Variants in IFI44L observed in about 807,000 individuals in gnomAD.
IFI44L encodes the protein interferon induced protein 44 like, also known as interferon-induced protein 44-like.
Under a neutral mutation model 39.3 loss-of-function variants are expected in IFI44L, and 40 were observed. The ratio of observed to expected loss-of-function variants is 1.02; its 90% CI spans 0.79 to 1.33. The LOEUF is 1.33. Ranked by LOEUF, IFI44L falls within the 40% of genes most tolerant of loss-of-function variation. The probability of loss-of-function intolerance (pLI) is 0.00; values close to 1 mark genes in which losing one functional copy is unlikely to be tolerated. For synonymous variants in IFI44L, 198 were observed against 182.3 expected, an observed-to-expected ratio of 1.09 and a Z score of -0.69; for missense variants, 623 against 549.0, an observed-to-expected ratio of 1.13 and a Z score of -1.35.
chr1:78,645,821 T>A lies in IFI44L; in HGVS notation c.*4012T>A, dbSNP rs1041527361. On this transcript the variant is annotated 3_prime_UTR_variant, in exon 9 of 9. Coordinates refer to ENST00000370751, the MANE Select transcript of IFI44L (RefSeq NM_006820.4). ...ACACCCTTGCAAAATCTTTCTCTGA[T>A]GTTGGAGAAAATGGGCCAGTGAGAT... is the stretch of plus-strand genomic sequence containing the variant. The A allele has an allele frequency of 2.6e-5, 4 of 152,332 alleles. No homozygotes were observed. Among genetic ancestry groups the A allele is most frequent in the Non-Finnish European group, 4.4e-5 (3 of 68,028 alleles). The allele number at this position is 152,332 out of a possible 1,614,324, so 9.4% of individuals were successfully genotyped here. A position where few individuals can be genotyped will look rare whatever the true frequency, so the allele number is the denominator to read the frequency against.
rs770413808 is a variant in IFI44L, at chr1:78,628,208, C to T, written c.293C>T (p.Thr98Ile). ...AAAAATGACACCACTGAAATAGAAA[C>T]TTTACTCTTAAATACAGCACCAAAA... ...QKKNDTTEIE[T>I]LLLNTAPKII... Residue 98 changes from threonine to isoleucine, a missense_variant, in exon 2 of 9, where the codon ACT (threonine) becomes ATT (isoleucine). Thr to Ile is a moderately conservative substitution (Grantham distance 89, BLOSUM62 -1). Transcript: ENST00000370751. The T allele has an allele frequency of 6.2e-7, 1 of 1,612,816 alleles. No homozygotes were observed. The highest frequency in any genetic ancestry group is 8.5e-7 in the Non-Finnish European group (1 of 1,179,444).
chr1:78,635,605 A>C, intron 5 of IFI44L, 116 bp downstream of exon 5: 1 of 808,728 alleles, frequency 1.2e-6, no homozygotes, highest in Non-Finnish European at 2.0e-6. Flanking sequence ...ACATCAATCA[A>C]CACTATTCTA....
At chr1:78,636,960 C>A (rs1243795196) in intron 5 of IFI44L, 72 bp from the exon 6 acceptor site, 1 of 1,117,358 alleles carries the variant, frequency 8.9e-7, no homozygotes, top group South Asian at 1.4e-5. Context: ...GTATTAGAAG[C>A]ATTAATTGTG....
At chr1:78,631,096 A>T (rs1333738007) in intron 4 of IFI44L, among the ~76,000 whole-genome samples, 1 of 152,118 alleles carries the variant, frequency 6.6e-6, no homozygotes, top group Non-Finnish European at 1.5e-5. Context: ...CAAAGGTCTT[A>T]TTTTAAGAGA....
At chr1:78,622,087 CA>C (rs1243666786) in intron 1 of IFI44L, among the ~76,000 whole-genome samples, 1 of 152,102 alleles carries the variant, frequency 6.6e-6, no homozygotes, top group Non-Finnish European at 1.5e-5. Context: ...CCCTCCTAGA[CA>C]CCCACCCACC....
At chr1:78,628,715 T>C in intron 2 of IFI44L, 2 of 530,068 alleles carry the variant, frequency 3.8e-6, no homozygotes, top group Non-Finnish European at 6.7e-6. Context: ...GATCAGACCC[T>C]TATATGACCC....
At chr1:78,626,921 T>C (rs1219727531) in intron 1 of IFI44L, 1 of 152,024 alleles carries the variant, frequency 6.6e-6, no homozygotes, top group Non-Finnish European at 1.5e-5. Context: ...CTCCCACTTA[T>C]AAGTGAGAGC....
At chr1:78,632,648 C>T (rs1217428670) in intron 4 of IFI44L, among the ~76,000 whole-genome samples, 1 of 152,126 alleles carries the variant, frequency 6.6e-6, no homozygotes, top group Non-Finnish European at 1.5e-5. Context: ...GAGGAATATT[C>T]ACAATTACCT....
At position 78,628,173 on chromosome 1, in the gene IFI44L, AC is replaced by A. The variant is rs747849626; in HGVS notation, c.259del (p.Leu87PhefsTer10). ...TEPNDSLWFSLQKKNDTTEIE... is the reference protein window; with the variant it reads ...TEPNDSLWFSXQKKNDTTEIE... ...AGCCAAATGATTCCCTATGGTTTTC[AC>A]TTCAAAAGAAAAATGACACCACTGA... On this transcript the variant is annotated frameshift_variant, in exon 2 of 9. Transcript: ENST00000370751. LOFTEE classifies it high-confidence loss of function. 6 of 1,612,564 alleles carry A rather than the reference AC, an allele frequency of 3.7e-6. No individual in the cohort carries two copies. In the African/African-American group the frequency reaches 8.0e-5, roughly 22 times the overall value.
In IFI44L at chr1:78,627,741, A is replaced by G. The variant is rs560761572; in HGVS notation, c.-10-165A>G. 4.5e-4 allele frequency: 174 copies of G among 387,900 alleles called. 1 individual carries two copies. Among genetic ancestry groups the G allele is most frequent in the African/African-American group, 3.4e-3 (163 of 48,458 alleles). The allele number at this position is 387,900 out of a possible 1,614,324, so 24.0% of individuals were successfully genotyped here. A position where few individuals can be genotyped will look rare whatever the true frequency, so the allele number is the denominator to read the frequency against. Reference sequence around the variant, plus strand: ...TAAATTATATATTTTTATATCTAACATTATTGTGCCATTTCTATATTTTTG... The same window carrying G: ...TAAATTATATATTTTTATATCTAACGTTATTGTGCCATTTCTATATTTTTG... On this transcript the variant is annotated intron_variant, in intron 1 of 8. Transcript: ENST00000370751.
rs911713500 is a variant in IFI44L, at chr1:78,645,531, G to C, written c.*3722G>C. The C allele has an allele frequency of 2.6e-5, 4 of 152,194 alleles. No homozygotes were observed. Among genetic ancestry groups the C allele is most frequent in the African/African-American group, 9.7e-5 (4 of 41,446 alleles). The allele number at this position is 152,194 out of a possible 1,614,324, so 9.4% of individuals were successfully genotyped here. On this transcript the variant is annotated 3_prime_UTR_variant, in exon 9 of 9. Coordinates refer to ENST00000370751, the MANE Select transcript of IFI44L (RefSeq NM_006820.4). Reference sequence around the variant, plus strand: ...TGACGCAAATTGATAGGGGGGCCAAGTAAGCCCCATATGCTTAATGATCAG... The same window carrying C: ...TGACGCAAATTGATAGGGGGGCCAACTAAGCCCCATATGCTTAATGATCAG...
intron 6 of IFI44L, among the ~76,000 whole-genome samples, chr1:78,638,675 G>A (rs1227330140): frequency 6.6e-6 from 1 of 151,828 alleles, no homozygotes; most frequent in South Asian, 2.1e-4. Flanking sequence ...TCTTTTTCAG[G>A]TCTTCTATTT....
At chr1:78,621,766 TA>T (rs1298625744) in intron 1 of IFI44L, among the ~76,000 whole-genome samples, 1 of 151,944 alleles carries the variant, frequency 6.6e-6, no homozygotes, top group Non-Finnish European at 1.5e-5. Flanking sequence ...CACAATAACT[TA>T]AAAAATTAAT....
rs1222507453 is a variant in IFI44L at position 78,623,389 on chromosome 1, G to GTT, written c.-11+2823_-11+2824dup. ...ATTTCCTTCTACTCCTGGTTTAAGT[G>GTT]TTTTTTGTTTTTTTTTTTTTTTTTT... On this transcript the variant is annotated intron_variant, in intron 1 of 8. Transcript: ENST00000370751. Among the ~76,000 whole-genome samples, 137 of 19,910 alleles carry GTT rather than the reference G, an allele frequency of 6.9e-3. 2 individuals are homozygous for GTT. The highest frequency in any genetic ancestry group is 0.01 in the African/African-American group (76 of 7,516). 13.1% of individuals were successfully genotyped at this position (19,910 alleles called of 152,430 possible). A position where few individuals can be genotyped will look rare whatever the true frequency, so the allele number is the denominator to read the frequency against.
At position 78,641,872 on chromosome 1, in the gene IFI44L, A is replaced by G; in HGVS notation, c.*63A>G. The G allele has an allele frequency of 6.5e-7, 1 of 1,529,862 alleles. No individual in the cohort carries two copies. The highest frequency in any genetic ancestry group is 9.1e-7 in the Non-Finnish European group (1 of 1,103,630). 94.8% of individuals were successfully genotyped at this position (1,529,862 alleles called of 1,614,324 possible). A position where few individuals can be genotyped will look rare whatever the true frequency, so the allele number is the denominator to read the frequency against. On this transcript the variant is annotated 3_prime_UTR_variant, in exon 9 of 9. Coordinates refer to ENST00000370751, the MANE Select transcript of IFI44L (RefSeq NM_006820.4). ...TACTGGTGTGCCGCAATGAGAGTCA[A>G]TCTCTATTGACAGCCTGCTTCAGAT...
intron 5 of IFI44L, chr1:78,635,966 TC>T (rs1652935552): frequency 6.2e-6 from 1 of 160,376 alleles, no homozygotes; most frequent in Non-Finnish European, 1.3e-5. Context: ...TCTCTCTCGG[TC>T]TTTTTTTTTT....
At chr1:78,639,903 T>G (rs12136543) in intron 6 of IFI44L, among the ~76,000 whole-genome samples, 29,681 of 152,026 alleles carry the variant, frequency 0.2, 3,629 homozygotes, top group Middle Eastern at 0.27. Flanking sequence ...GAACCTAGTT[T>G]TTAAATAGTA....
chr1:78,626,307 T>C lies in IFI44L; in HGVS notation c.-10-1599T>C, dbSNP rs111998081. Reference sequence around the variant, plus strand: ...TTACTGTAAATCATTCAATCTTACCTTTTAGCTGTTTGAACATATTAAACA... The same window carrying C: ...TTACTGTAAATCATTCAATCTTACCCTTTAGCTGTTTGAACATATTAAACA... On this transcript the variant is annotated intron_variant, in intron 1 of 8. Coordinates refer to ENST00000370751, the MANE Select transcript of IFI44L (RefSeq NM_006820.4). 3.3e-5 allele frequency: 5 copies of C among 152,064 alleles called. 1 individual carries two copies. Among genetic ancestry groups the C allele is most frequent in the African/African-American group, 1.2e-4 (5 of 41,548 alleles). 9.4% of individuals were successfully genotyped at this position (152,064 alleles called of 1,614,324 possible). A position where few individuals can be genotyped will look rare whatever the true frequency, so the allele number is the denominator to read the frequency against.
At chr1:78,626,007 T>G (rs572443982) in intron 1 of IFI44L, 1 of 151,034 alleles carries the variant, frequency 6.6e-6, no homozygotes, top group Admixed American at 6.6e-5. Context: ...TTTTTGAGAC[T>G]TGCTTGCTTT....
Sources: gnomAD v4.1 joint callset for allele counts (sites outside exome capture counted in the v4.1 genomes callset) on GRCh38, gnomAD v4.1.1 for gene constraint, MANE v1.5 for transcripts, NCBI Gene and HGNC (gene_info 2026-07-23, HGNC 2026-07-21) for gene names.